Variants in CCDC39 observed in about 807,000 individuals in gnomAD.
The protein encoded by CCDC39 is coiled-coil domain 39 molecular ruler complex subunit.
A neutral mutation model predicts 121.0 loss-of-function variants in CCDC39; 113 were observed. The observed-to-expected ratio is 0.93, with a 90% CI of 0.80 to 1.09. The LOEUF (loss-of-function observed/expected upper bound fraction) is 1.09, where lower values mean the gene tolerates loss of function less well. Among genes scored for constraint, CCDC39 ranks in the 50% least tolerant of loss-of-function variants. The pLI is 0.00. For synonymous variants in CCDC39, 349 were observed against 352.2 expected, an observed-to-expected ratio of 0.99 and a Z score of 0.10; for missense variants, 1,063 against 1,074.7, an observed-to-expected ratio of 0.99 and a Z score of 0.15.
chr3:180,654,193 G>A (rs1208271563), intron 7 of CCDC39, among the ~76,000 whole-genome samples: 1 of 109,666 alleles, frequency 9.1e-6, no homozygotes, highest in Admixed American at 1.2e-4. Flanking sequence ...TTCAATCAAT[G>A]ATGTTAAGAA....
At chr3:180,653,065 T>C (rs1476958183) in intron 7 of CCDC39, among the ~76,000 whole-genome samples, 2 of 152,222 alleles carry the variant, frequency 1.3e-5, no homozygotes, top group Non-Finnish European at 2.9e-5. Context: ...AACATGGTCA[T>C]ACTATTCAAA....
At chr3:180,656,283 C>A (rs1430963690) in intron 6 of CCDC39, among the ~76,000 whole-genome samples, 2 of 152,108 alleles carry the variant, frequency 1.3e-5, no homozygotes, top group African/African-American at 2.4e-5. Context: ...CTTAATAGTG[C>A]TATGCATCAT....
At chr3:180,650,095 C>G (rs1305845763) in intron 9 of CCDC39, among the ~76,000 whole-genome samples, 2 of 151,954 alleles carry the variant, frequency 1.3e-5, no homozygotes, top group Non-Finnish European at 2.9e-5. Context: ...CTTTTTCAAC[C>G]CCCCCAAACG....
chr3:180,676,468 G>T (rs1459834987), intron 1 of CCDC39, among the ~76,000 whole-genome samples: 2 of 152,146 alleles, frequency 1.3e-5, no homozygotes, highest in African/African-American at 4.8e-5. Context: ...AGTTAGAATG[G>T]CGATCATTAA....
intron 9 of CCDC39, among the ~76,000 whole-genome samples, chr3:180,650,722 T>C (rs1394134343): frequency 6.6e-6 from 1 of 151,266 alleles, no homozygotes; most frequent in African/African-American, 2.4e-5. Flanking sequence ...CCAGGTGTGG[T>C]GGCACGCGCC....
chr3:180,641,278 G>T (rs910704107), intron 13 of CCDC39, among the ~76,000 whole-genome samples: 6 of 151,818 alleles, frequency 4.0e-5, no homozygotes, highest in Non-Finnish European at 5.9e-5. Context: ...AGCTCAATGT[G>T]GTAAAAGGTA....
intron 1 of CCDC39, among the ~76,000 whole-genome samples, chr3:180,672,469 C>T (rs1002453491): frequency 2.6e-5 from 4 of 152,160 alleles, no homozygotes; most frequent in African/African-American, 9.7e-5. Context: ...TGGCACATGC[C>T]TGTAATTCCA....
At chr3:180,659,173 T>C (rs1190942620) in intron 6 of CCDC39, among the ~76,000 whole-genome samples, 1 of 152,192 alleles carries the variant, frequency 6.6e-6, no homozygotes, top group African/African-American at 2.4e-5. Context: ...AGTCAGGGCA[T>C]TGGTTTTATT....
chr3:180,624,167 TATA>T (rs1235998090), intron 14 of CCDC39, among the ~76,000 whole-genome samples: 1 of 152,214 alleles, frequency 6.6e-6, no homozygotes, highest in African/African-American at 2.4e-5. Context: ...TTTATCATTA[TATA>T]ATAACCTTCT....
intron 13 of CCDC39, among the ~76,000 whole-genome samples, chr3:180,639,437 T>A (rs1717903710): frequency 6.6e-6 from 1 of 152,118 alleles, no homozygotes; most frequent in South Asian, 2.1e-4. Flanking sequence ...CATGGAATAC[T>A]ACTCAGCCAC....
rs878974039 is a variant in CCDC39, at chr3:180,648,183, T to C, written c.1344A>G (p.Gln448=). The C allele has an allele frequency of 1.9e-6, 3 of 1,613,004 alleles. No individual in the cohort carries two copies. The East Asian group carries it at 6.7e-5, about 36-fold the overall frequency. Residue 448 remains glutamine, a synonymous_variant, in exon 10 of 20, where the codon CAA becomes CAG. Transcript: ENST00000476379. ...QKLDFETLKQ[Q]EIMYSQDFHI... is the part of the protein sequence containing the mutation. ...CATCTACCTGGCTGTACATAATTTC[T>C]TGCTGCTTCAAGGTTTCAAAATCCA...
intron 9 of CCDC39, among the ~76,000 whole-genome samples, chr3:180,649,307 A>C (rs1340956388): frequency 6.6e-6 from 1 of 152,138 alleles, no homozygotes; most frequent in Non-Finnish European, 1.5e-5. Flanking sequence ...AAGCCTCACA[A>C]CCAATGTGTT....
At chr3:180,620,949 A>G (rs535744607) in intron 14 of CCDC39, among the ~76,000 whole-genome samples, 1 of 152,014 alleles carries the variant, frequency 6.6e-6, no homozygotes, top group Non-Finnish European at 1.5e-5. Context: ...TTCCGTGTCT[A>G]TCACTCCACG....
intron 16 of CCDC39, chr3:180,617,329 A>G: frequency 4.0e-6 from 2 of 498,318 alleles, no homozygotes; most frequent in Non-Finnish European, 7.1e-6. Context: ...ATAATAAAAG[A>G]TATTACTGAT....
intron 1 of CCDC39, among the ~76,000 whole-genome samples, chr3:180,670,088 C>T (rs1576953702): frequency 6.6e-6 from 1 of 151,972 alleles, no homozygotes; most frequent in Non-Finnish European, 1.5e-5. Flanking sequence ...ATAACGGGGA[C>T]ATAACTACAT....
chr3:180,677,699 C>T (rs1034434842), intron 1 of CCDC39, among the ~76,000 whole-genome samples: 3 of 151,992 alleles, frequency 2.0e-5, no homozygotes, highest in Non-Finnish European at 4.4e-5. Flanking sequence ...TGTTAAATAC[C>T]GCATATATAT....
intron 1 of CCDC39, among the ~76,000 whole-genome samples, chr3:180,669,530 T>C (rs1711975377): frequency 6.6e-6 from 1 of 152,114 alleles, no homozygotes; most frequent in Admixed American, 6.6e-5. Context: ...CATGACCAGA[T>C]TCAGAGCATT....
intron 13 of CCDC39, among the ~76,000 whole-genome samples, chr3:180,633,307 T>C (rs1436564708): frequency 9.9e-5 from 15 of 152,078 alleles, no homozygotes. Flanking sequence ...GGAAAGCAAA[T>C]GGCAAAAATG....
At chr3:180,616,188 C>T (rs1717230628) in intron 19 of CCDC39, 93 bp downstream of exon 19, 1 of 1,024,876 alleles carries the variant, frequency 9.8e-7, no homozygotes, top group African/African-American at 1.6e-5. Context: ...GTGCATGGGC[C>T]TGCCTAACAG....
Sources: gnomAD v4.1 joint callset for allele counts (sites outside exome capture counted in the v4.1 genomes callset) on GRCh38, gnomAD v4.1.1 for gene constraint, MANE v1.5 for transcripts, NCBI Gene and HGNC (gene_info 2026-07-23, HGNC 2026-07-21) for gene names.